The following TSGA13 variants were observed in gnomAD, a reference collection of about 807,000 sequenced individuals.
The protein encoded by TSGA13 is testis specific 13.
In TSGA13, 37 loss-of-function variants were observed where a neutral mutation model predicts 35.1. The observed-to-expected ratio is 1.05, with a 90% CI of 0.81 to 1.39. TSGA13 has a LOEUF of 1.39. Among genes scored for constraint, TSGA13 ranks in the 40% most tolerant of loss-of-function variants. The pLI is 0.00. For synonymous variants in TSGA13, 124 were observed against 121.2 expected (o/e 1.02, Z -0.15); for missense variants, 338 against 328.5 (o/e 1.03, Z -0.22).
chr7:130,675,561 T>G (rs1796393584), intron 5 of TSGA13, among the ~76,000 whole-genome samples: 1 of 152,166 alleles, frequency 6.6e-6, no homozygotes, highest in South Asian at 2.1e-4. Flanking sequence ...TTTTTTGTAT[T>G]TTTAGTAGAG....
At chr7:130,679,388 C>G (rs1451677723) in intron 4 of TSGA13, 21 bp from the exon 5 acceptor site, 7 of 1,581,772 alleles carry the variant, frequency 4.4e-6, no homozygotes, top group African/African-American at 2.7e-5. Context: ...AGAAAGGTTT[C>G]CAGAGAGAAA....
At chr7:130,685,009 A>G (rs1428307646) in intron 2 of TSGA13, among the ~76,000 whole-genome samples, 179 bp downstream of exon 2, 1 of 152,046 alleles carries the variant, frequency 6.6e-6, no homozygotes, top group African/African-American at 2.4e-5. Flanking sequence ...TCTTTTTGAC[A>G]AAAGCAACCA....
intron 5 of TSGA13, among the ~76,000 whole-genome samples, chr7:130,677,068 A>G (rs998076571): frequency 7.3e-5 from 11 of 151,434 alleles, no homozygotes; most frequent in Admixed American, 7.2e-4. Context: ...AATTTTTTGT[A>G]TTTTTAGTAG....
intron 3 of TSGA13, 100 bp from the exon 4 acceptor site, chr7:130,681,117 A>T: frequency 1.0e-6 from 1 of 972,034 alleles, no homozygotes; most frequent in Non-Finnish European, 1.6e-6. Context: ...ACTGGTCTCT[A>T]ACTTACACTA....
intron 6 of TSGA13, among the ~76,000 whole-genome samples, 196 bp from the exon 7 acceptor site, chr7:130,671,984 A>G (rs929820095): frequency 1.3e-4 from 19 of 151,938 alleles, no homozygotes; most frequent in Non-Finnish European, 2.9e-5. Context: ...TCTGCCTCCC[A>G]GGTTCAAGCG....
intron 5 of TSGA13, among the ~76,000 whole-genome samples, chr7:130,673,500 T>A (rs1267960122): frequency 1.3e-5 from 2 of 152,102 alleles, no homozygotes; most frequent in Admixed American, 6.5e-5. Context: ...CCAATAGATA[T>A]CTCCCTGTAA....
chr7:130,671,823 A>AG, intron 6 of TSGA13, 35 bp from the exon 7 acceptor site: 1 of 1,456,254 alleles, frequency 6.9e-7, no homozygotes, highest in Non-Finnish European at 9.1e-7. Flanking sequence ...AGTAGATCCT[A>AG]GGGCAGGGGG....
At chr7:130,672,616 G>T (rs551684131) in intron 6 of TSGA13, 118 bp downstream of exon 6, 3 of 1,363,698 alleles carry the variant, frequency 2.2e-6, no homozygotes, top group Non-Finnish European at 9.9e-7. Context: ...GGAAAGTCGT[G>T]TCTTACTATC....
At chr7:130,670,886 C>G (rs781999661) in intron 7 of TSGA13, among the ~76,000 whole-genome samples, 1 of 152,188 alleles carries the variant, frequency 6.6e-6, no homozygotes, top group Non-Finnish European at 1.5e-5. Flanking sequence ...CCCAGCCTCC[C>G]AAACTGCTAG....
chr7:130,683,632 C>A lies in TSGA13; in HGVS notation c.64G>T (p.Ala22Ser). 2 of 1,613,884 alleles carry A rather than the reference C, an allele frequency of 1.2e-6. No homozygotes were observed. The highest frequency in any genetic ancestry group is 2.2e-5 in the East Asian group (1 of 44,848). ...GKSKTSENSS[A>S]KREKGMVVNS... is the part of the protein sequence containing the mutation. ...ACAACCATTCCTTTCTCACGTTTAG[C>A]TGAGCTATTTTCTGAAGTCTTTGAT... is the stretch of plus-strand genomic sequence containing the variant. Residue 22 changes from alanine to serine, a missense_variant, in exon 3 of 8, where the codon GCT (alanine) becomes TCT (serine). By Grantham distance (99) the Ala-to-Ser change is moderately conservative. Coordinates refer to ENST00000356588, the MANE Select transcript of TSGA13 (RefSeq NM_052933.4).
intron 5 of TSGA13, among the ~76,000 whole-genome samples, chr7:130,673,983 T>C (rs1796347030): frequency 6.6e-6 from 1 of 151,532 alleles, no homozygotes; most frequent in African/African-American, 2.4e-5. Context: ...TATTCCCAGC[T>C]ACTTGGGAGG....
chr7:130,681,098 C>T (rs1419375859), intron 3 of TSGA13, 81 bp from the exon 4 acceptor site: 7 of 1,187,328 alleles, frequency 5.9e-6, no homozygotes, highest in East Asian at 2.3e-5. Context: ...ACCTTAGTCT[C>T]ACTGGAGAAC....
intron 5 of TSGA13, 64 bp from the exon 6 acceptor site, chr7:130,672,940 G>C: frequency 6.7e-7 from 1 of 1,500,616 alleles, no homozygotes; most frequent in Non-Finnish European, 8.9e-7. Flanking sequence ...TTTAAGTTTG[G>C]ACCAAGTTCC....
At chr7:130,684,621 G>A (rs535701038) in intron 2 of TSGA13, among the ~76,000 whole-genome samples, 29 of 152,228 alleles carry the variant, frequency 1.9e-4, no homozygotes, top group South Asian at 1.0e-3. Flanking sequence ...TGGCTATAGC[G>A]TGCTACAAAT....
chr7:130,685,494 G>A, intron 1 of TSGA13, 134 bp from the exon 2 acceptor site: 2 of 813,152 alleles, frequency 2.5e-6, no homozygotes, highest in Admixed American at 7.3e-5. Flanking sequence ...ATTATCCAAT[G>A]TAAAACAATA....
intron 3 of TSGA13, among the ~76,000 whole-genome samples, chr7:130,682,930 T>C (rs763274921): frequency 7.2e-5 from 11 of 152,152 alleles, no homozygotes; most frequent in Non-Finnish European, 1.0e-4. Context: ...AAAACAGAAA[T>C]ATGAAAAACC....
rs782000259 is a variant in TSGA13, at chr7:130,669,067, G to A, written c.775C>T (p.Arg259Cys). The A allele has an allele frequency of 6.2e-7, 1 of 1,614,074 alleles. No individual in the cohort carries two copies. Among genetic ancestry groups the A allele is most frequent in the Non-Finnish European group, 8.5e-7 (1 of 1,180,042 alleles). The change falls in exon 8 of 8, where the codon CGC (arginine) becomes TGC (cysteine). Residue 259 changes from arginine (R) to cysteine (C), a missense_variant. Arg to Cys is a radical substitution (Grantham distance 180). Coordinates refer to ENST00000356588, the MANE Select transcript of TSGA13 (RefSeq NM_052933.4). ...TRTAPGESAF[R>C]NGRAPQWIIK... ...ATCCACTGCGGGGCCCTCCCGTTGCGGAAGGCGCTCTCCCCGGGCGCGGTT... is the reference window on the plus strand; with the variant it reads ...ATCCACTGCGGGGCCCTCCCGTTGCAGAAGGCGCTCTCCCCGGGCGCGGTT...
At chr7:130,675,832 T>C (rs1377674605) in intron 5 of TSGA13, among the ~76,000 whole-genome samples, 1 of 152,252 alleles carries the variant, frequency 6.6e-6, no homozygotes, top group Admixed American at 6.5e-5. Flanking sequence ...GGTTTTTGTT[T>C]TGATTTGTTT....
chr7:130,670,167 G>A (rs1796226192), intron 7 of TSGA13, among the ~76,000 whole-genome samples: 2 of 152,196 alleles, frequency 1.3e-5, no homozygotes, highest in South Asian at 4.1e-4. Flanking sequence ...GTTGTTTTTA[G>A]CTGTGCAGTA....
Sources: allele counts gnomAD v4.1 joint callset (sites outside exome capture counted in the v4.1 genomes callset), GRCh38; gene constraint gnomAD v4.1.1; transcripts MANE v1.5; gene names NCBI Gene and HGNC (gene_info 2026-07-23, HGNC 2026-07-21).